ANO1: variants seen among roughly 807,000 people sequenced by gnomAD.
The protein encoded by ANO1 is anoctamin 1.
Under a neutral mutation model 124.0 loss-of-function variants are expected in ANO1, and 59 were observed. The observed-to-expected ratio is 0.48, with a 90% CI of 0.39 to 0.59. The LOEUF (loss-of-function observed/expected upper bound fraction) is 0.59. Among genes scored for constraint, ANO1 ranks in the 20% least tolerant of loss-of-function variants. The pLI is 0.00. For missense variants in ANO1, 1,059 were observed against 1,328.0 expected (o/e 0.80, Z 3.15); for synonymous variants, 529 against 532.0 (o/e 0.99, Z 0.08).
intron 11 of ANO1, 144 bp from the exon 12 acceptor site, chr11:70,149,566 G>A (rs1590861556): frequency 5.2e-6 from 4 of 763,240 alleles, no homozygotes; most frequent in South Asian, 3.5e-5. Flanking sequence ...AAGGAGAATC[G>A]CTTGAACCCA....
intron 1 of ANO1, among the ~76,000 whole-genome samples, chr11:70,080,013 T>C (rs1344355944): frequency 6.6e-6 from 1 of 152,228 alleles, no homozygotes; most frequent in Non-Finnish European, 1.5e-5. Context: ...GGGATTGCCA[T>C]TTGATCAAAG....
chr11:70,119,706 T>C (rs1433980571), intron 8 of ANO1, among the ~76,000 whole-genome samples: 3 of 150,982 alleles, frequency 2.0e-5, no homozygotes, highest in African/African-American at 4.9e-5. Flanking sequence ...GGTGAATAGA[T>C]GGATGCCGGA....
At chr11:70,061,287 A>C (rs1857570206) in intron 1 of ANO1, among the ~76,000 whole-genome samples, 1 of 152,132 alleles carries the variant, frequency 6.6e-6, no homozygotes, top group African/African-American at 2.4e-5. Flanking sequence ...TCATCAAAAT[A>C]TTGAATAAGG....
At chr11:70,056,912 G>C (rs1857449390) in intron 1 of ANO1, among the ~76,000 whole-genome samples, 1 of 139,752 alleles carries the variant, frequency 7.2e-6, no homozygotes, top group Non-Finnish European at 1.5e-5. Context: ...CTTATATTCT[G>C]TCTAATCTGC....
At chr11:69,972,157 A>G in the ANO1 span, among the ~76,000 whole-genome samples, 1 of 142,098 alleles carries the variant, frequency 7.0e-6, no homozygotes, top group Non-Finnish European at 1.5e-5. Context: ...ACTGCACTCT[A>G]GCCTTCATGA....
chr11:69,973,161 A>G, the ANO1 span, among the ~76,000 whole-genome samples: 1 of 152,170 alleles, frequency 6.6e-6, no homozygotes, highest in East Asian at 1.9e-4. Flanking sequence ...CACCCACCTC[A>G]GCCTCCCAAG....
chr11:70,085,726 A>G (rs2044347885), intron 1 of ANO1: 1 of 1,428,930 alleles, frequency 7.0e-7, no homozygotes, highest in Non-Finnish European at 9.1e-7. Flanking sequence ...TCCTTCCCCT[A>G]CAACTAAAAA....
At chr11:70,010,179 G>GTGTGTATATATATATATA in intron 1 of ANO1, among the ~76,000 whole-genome samples, 1 of 83,812 alleles carries the variant, frequency 1.2e-5, no homozygotes, top group South Asian at 4.7e-4. Context: ...GTGTGTGTGT[G>GTGTGTATATATATATATA]TATATATATA....
chr11:70,173,589 T>C (rs1177011430), intron 22 of ANO1, among the ~76,000 whole-genome samples: 1 of 152,214 alleles, frequency 6.6e-6, no homozygotes, highest in African/African-American at 2.4e-5. Flanking sequence ...GGTAGAGTGC[T>C]GATTTGCTGG....
At chr11:69,994,103 A>ACC (rs35126450) in intron 1 of ANO1, among the ~76,000 whole-genome samples, 2,075 of 148,848 alleles carry the variant, frequency 0.014, 36 homozygotes, top group African/African-American at 0.04. Context: ...TTTGTCGTTA[A>ACC]CCCCCCCCCA....
intron 11 of ANO1, among the ~76,000 whole-genome samples, chr11:70,133,543 T>C (rs943687835): frequency 3.3e-5 from 5 of 152,188 alleles, no homozygotes; most frequent in Non-Finnish European, 7.3e-5. Flanking sequence ...CACCCAGCTC[T>C]GGGGTCTGCA....
chr11:70,032,216 C>A (rs1440261743), intron 1 of ANO1, among the ~76,000 whole-genome samples: 3 of 152,128 alleles, frequency 2.0e-5, no homozygotes, highest in Non-Finnish European at 4.4e-5. Context: ...GGCAGCATGA[C>A]CCCAGATTAG....
chr11:70,052,522 T>A lies in ANO1; in HGVS notation c.59-26020T>A, dbSNP rs143791399. Among the ~76,000 whole-genome samples the A allele has an allele frequency of 9.6e-3, 1,266 of 131,624 alleles. 29 individuals are homozygous for A. The highest frequency in any genetic ancestry group is 0.034 in the African/African-American group (1,222 of 35,860). 86.4% of individuals were successfully genotyped at this position (131,624 alleles called of 152,430 possible). A position where few individuals can be genotyped will look rare whatever the true frequency, so the allele number is the denominator to read the frequency against. On this transcript the variant is annotated intron_variant, in intron 1 of 27. Transcript: ENST00000531349. ...CAAGACCAATTTGGGGAGAATTTCT[T>A]TTTCTTTTCTTTTTTTTTTTTTTTT...
At chr11:70,143,563 G>A (rs1422403624) in intron 11 of ANO1, among the ~76,000 whole-genome samples, 1 of 152,176 alleles carries the variant, frequency 6.6e-6, no homozygotes, top group Non-Finnish European at 1.5e-5. Flanking sequence ...AGCTTGTTCA[G>A]AATGCAGATT....
chr11:70,092,915 G>C (rs975160386), intron 2 of ANO1, among the ~76,000 whole-genome samples: 1 of 152,172 alleles, frequency 6.6e-6, no homozygotes. Flanking sequence ...GGGGCCCAGA[G>C]ACCTCAGGAC....
At chr11:70,093,908 G>A (rs558765210) in intron 2 of ANO1, among the ~76,000 whole-genome samples, 11 of 152,258 alleles carry the variant, frequency 7.2e-5, no homozygotes, top group Non-Finnish European at 4.4e-5. Context: ...CTGAGAGCCC[G>A]GTATGCGGAT....
chr11:70,006,549 CCTTTCTTTCTTTCTTTT>C (rs1301946507), intron 1 of ANO1, among the ~76,000 whole-genome samples: 6 of 150,482 alleles, frequency 4.0e-5, no homozygotes, highest in Non-Finnish European at 8.8e-5. Context: ...TTTCTTTCTT[CCTTTCTTTCTTTCTTTT>C]CTTTCTTTCT....
chr11:70,037,090 C>T (rs10899471), intron 1 of ANO1, among the ~76,000 whole-genome samples: 2,861 of 152,256 alleles, frequency 0.019, 111 homozygotes, highest in East Asian at 0.16. Flanking sequence ...CCTTTAGTGC[C>T]ATCCATCTTC....
intron 11 of ANO1, among the ~76,000 whole-genome samples, chr11:70,141,092 C>T (rs2047137268): frequency 6.6e-6 from 1 of 152,176 alleles, no homozygotes; most frequent in African/African-American, 2.4e-5. Flanking sequence ...AAGGTTTCAG[C>T]ACGTGCCCTG....
Sources: allele counts gnomAD v4.1 joint callset (sites outside exome capture counted in the v4.1 genomes callset), GRCh38; gene constraint gnomAD v4.1.1; transcripts MANE v1.5; gene names NCBI Gene and HGNC (gene_info 2026-07-23, HGNC 2026-07-21).